Variants in DRD2 observed in about 807,000 individuals in gnomAD.
DRD2 encodes D(2) dopamine receptor.
A neutral mutation model predicts 38.0 loss-of-function variants in DRD2; 8 were observed. The ratio of observed to expected loss-of-function variants is 0.21; its 90% CI spans 0.12 to 0.38. DRD2 has a LOEUF of 0.38. Among genes scored for constraint, DRD2 ranks in the 10% least tolerant of loss-of-function variants. The probability of loss-of-function intolerance (pLI) is 1.00; values close to 1 mark genes in which losing one functional copy is unlikely to be tolerated. For missense variants in DRD2, 403 were observed against 607.7 expected (o/e 0.66, Z 3.54); for synonymous variants, 230 against 238.6 (o/e 0.96, Z 0.33).
At chr11:113,473,767 C>G (rs1951450588) in intron 1 of DRD2, among the ~76,000 whole-genome samples, 1 of 152,208 alleles carries the variant, frequency 6.6e-6, no homozygotes, top group African/African-American at 2.4e-5. Context: ...ACCACAGTCT[C>G]TCTATCTGGC....
intron 1 of DRD2, among the ~76,000 whole-genome samples, chr11:113,431,398 G>A (rs748595739): frequency 6.6e-6 from 1 of 152,174 alleles, no homozygotes; most frequent in Non-Finnish European, 1.5e-5. Context: ...AGGCCTCCTA[G>A]GCTTTTCTTT....
chr11:113,460,831 C>T (rs1293468899), intron 1 of DRD2, among the ~76,000 whole-genome samples: 3 of 152,228 alleles, frequency 2.0e-5, no homozygotes, highest in Non-Finnish European at 4.4e-5. Flanking sequence ...ATCCTGTGCA[C>T]TCAGGGAGGT....
At chr11:113,474,891 C>T (rs935716453) in intron 1 of DRD2, among the ~76,000 whole-genome samples, 185 bp downstream of exon 1, 3 of 152,126 alleles carry the variant, frequency 2.0e-5, no homozygotes, top group Non-Finnish European at 2.9e-5. Context: ...GCCGCGGGCT[C>T]CAGACGCCCT....
Position 113,466,227 on chromosome 11 carries a change from C to T in DRD2, c.-32+8849G>A, listed in dbSNP as rs184990264. ...AAAGTGCTTTGTGGAAAGATAGGTTCAAACTGTTACTGCGTTTGGAGGGTC... is the reference window on the plus strand; with the variant it reads ...AAAGTGCTTTGTGGAAAGATAGGTTTAAACTGTTACTGCGTTTGGAGGGTC... On this transcript the variant is annotated intron_variant, in intron 1 of 7. Transcript: ENST00000362072. Among the ~76,000 whole-genome samples the T allele has an allele frequency of 3.3e-5, 5 of 152,330 alleles. No homozygotes were observed. In the East Asian group the frequency reaches 9.7e-4, roughly 29 times the overall value.
chr11:113,456,166 T>C (rs1951266560), intron 1 of DRD2, among the ~76,000 whole-genome samples: 1 of 152,226 alleles, frequency 6.6e-6, no homozygotes. Flanking sequence ...TAGGGGACAT[T>C]ACACTAAATG....
At chr11:113,419,448 A>T (rs1289126056) in intron 2 of DRD2, among the ~76,000 whole-genome samples, 1 of 143,532 alleles carries the variant, frequency 7.0e-6, no homozygotes, top group African/African-American at 2.9e-5. Flanking sequence ...GCACACAGGC[A>T]CACACACACA....
At chr11:113,443,720 C>T (rs1565671937) in intron 1 of DRD2, among the ~76,000 whole-genome samples, 1 of 152,074 alleles carries the variant, frequency 6.6e-6, no homozygotes, top group Non-Finnish European at 1.5e-5. Context: ...ATTTCATAAA[C>T]AATGAAATAT....
At chr11:113,448,132 C>T (rs371190810) in intron 1 of DRD2, among the ~76,000 whole-genome samples, 8 of 152,170 alleles carry the variant, frequency 5.3e-5, no homozygotes, top group African/African-American at 1.4e-4. Context: ...GATGGAACCA[C>T]GAAACAGGGA....
At chr11:113,420,967 G>A (rs1178166153) in intron 2 of DRD2, among the ~76,000 whole-genome samples, 1 of 152,134 alleles carries the variant, frequency 6.6e-6, no homozygotes, top group Non-Finnish European at 1.5e-5. Flanking sequence ...CCCTGAGCTG[G>A]CTCAGCTAAG....
intron 3 of DRD2, 106 bp downstream of exon 3, chr11:113,417,921 G>A (rs1950842078): frequency 1.1e-6 from 1 of 886,950 alleles, no homozygotes; most frequent in South Asian, 1.4e-5. Flanking sequence ...CACACAGCCA[G>A]CTGCACAGCA....
chr11:113,471,187 T>C (rs186029787), intron 1 of DRD2, among the ~76,000 whole-genome samples: 92 of 152,296 alleles, frequency 6.0e-4, no homozygotes, highest in African/African-American at 2.2e-3. Flanking sequence ...GATAATATGA[T>C]TCTATTGTCA....
intron 2 of DRD2, among the ~76,000 whole-genome samples, chr11:113,422,764 G>A (rs1006144447): frequency 1.3e-5 from 2 of 152,114 alleles, no homozygotes; most frequent in Admixed American, 6.5e-5. Flanking sequence ...AAGCGCACGA[G>A]CCCCTTGGGG....
intron 1 of DRD2, among the ~76,000 whole-genome samples, chr11:113,435,923 C>A (rs916101833): frequency 6.6e-6 from 1 of 152,206 alleles, no homozygotes; most frequent in African/African-American, 2.4e-5. Flanking sequence ...AACAATCCTG[C>A]CTATTTGGCA....
chr11:113,414,962 G>C (rs1311758734), intron 5 of DRD2, among the ~76,000 whole-genome samples: 1 of 152,168 alleles, frequency 6.6e-6, no homozygotes, highest in Non-Finnish European at 1.5e-5. Flanking sequence ...CAAGACATCA[G>C]GGGGGAAATG....
intron 7 of DRD2, among the ~76,000 whole-genome samples, chr11:113,411,147 C>G (rs996981957): frequency 6.6e-6 from 1 of 152,146 alleles, no homozygotes; most frequent in Non-Finnish European, 1.5e-5. Context: ...GTCCCTTTCC[C>G]ACCTCCTAGA....
At chr11:113,436,055 C>A (rs746976260) in intron 1 of DRD2, among the ~76,000 whole-genome samples, 1 of 152,196 alleles carries the variant, frequency 6.6e-6, no homozygotes, top group Non-Finnish European at 1.5e-5. Context: ...CTTGTCCCCA[C>A]GTTTCTCATC....
chr11:113,416,168 T>TTAGAATTCCTGTGATGCTTATAA (rs1469240058), intron 4 of DRD2, among the ~76,000 whole-genome samples: 3 of 152,222 alleles, frequency 2.0e-5, no homozygotes, highest in African/African-American at 7.2e-5. Context: ...TTATTCCCAC[T>TTAGAATTCCTGTGATGCTTATAA]TAGAATTCCT....
intron 2 of DRD2, among the ~76,000 whole-genome samples, chr11:113,422,152 G>A (rs1212793472): frequency 1.3e-5 from 2 of 152,122 alleles, no homozygotes; most frequent in Non-Finnish European, 2.9e-5. Context: ...CTTGCCTGGG[G>A]CGAACATAGG....
At chr11:113,435,086 G>C (rs1292496680) in intron 1 of DRD2, among the ~76,000 whole-genome samples, 1 of 152,174 alleles carries the variant, frequency 6.6e-6, no homozygotes, top group Non-Finnish European at 1.5e-5. Flanking sequence ...GGTGTCCCTG[G>C]GAGTGTGGCA....
Sources: allele counts gnomAD v4.1 joint callset (sites outside exome capture counted in the v4.1 genomes callset), GRCh38; gene constraint gnomAD v4.1.1; transcripts MANE v1.5; gene names NCBI Gene and HGNC (gene_info 2026-07-23, HGNC 2026-07-21).